SLC9B2: variants seen among roughly 807,000 people sequenced by gnomAD.
SLC9B2 encodes the protein solute carrier family 9 member B2.
SLC9B2 carries 39 observed loss-of-function variants against 52.2 expected under a neutral mutation model. The ratio of observed to expected loss-of-function variants is 0.75; its 90% confidence interval spans 0.58 to 0.98. SLC9B2 has a LOEUF of 0.98. SLC9B2 is among the 50% of genes least tolerant of loss of function. The pLI is 0.00. For synonymous variants in SLC9B2, 214 were observed against 227.0 expected (o/e 0.94, Z 0.51); for missense variants, 626 against 637.5 (o/e 0.98, Z 0.19).
intron 7 of SLC9B2, among the ~76,000 whole-genome samples, chr4:103,046,647 T>TCATATTTTGTGTGAAGTCTCCACA (rs1373523557): frequency 2.5e-5 from 3 of 117,656 alleles, no homozygotes; most frequent in African/African-American, 7.1e-5. Flanking sequence ...AAAAACCCAC[T>TCATATTTTGTGTGAAGTCTCCACA]CATATTTTGT....
downstream of SLC9B2, chr4:103,020,252 A>AG (rs1741689003): frequency 2.9e-6 from 1 of 349,064 alleles, no homozygotes; most frequent in Admixed American, 4.3e-5. Flanking sequence ...AACCTTTGTG[A>AG]GTTTTTTTTT....
chr4:103,069,043 T>C (rs755891291), intron 1 of SLC9B2, among the ~76,000 whole-genome samples: 8 of 152,222 alleles, frequency 5.3e-5, no homozygotes, highest in Non-Finnish European at 7.3e-5. Context: ...TTTTTTATTA[T>C]ACATAATTTG....
intron 9 of SLC9B2, among the ~76,000 whole-genome samples, chr4:103,034,944 G>C (rs1424569015): frequency 6.6e-6 from 1 of 152,048 alleles, no homozygotes; most frequent in East Asian, 1.9e-4. Flanking sequence ...AATGTCAAAT[G>C]AAACATAATT....
In SLC9B2 at chr4:103,068,588, C is replaced by T. The variant is rs148794476; in HGVS notation, c.-42-996G>A. ...ATAGGAGAAGCTGGTTCCTTGATGA[C>T]ATCTTCCAGTTGCTCCATCAGCCTT... On this transcript the variant is annotated intron_variant, in intron 1 of 11. Transcript: ENST00000394785. Among the ~76,000 whole-genome samples, 287 of 152,334 alleles carry T rather than the reference C, an allele frequency of 1.9e-3. 1 individual carries two copies. The highest frequency in any genetic ancestry group is 6.4e-3 in the African/African-American group (265 of 41,580).
At chr4:103,046,909 T>C in intron 7 of SLC9B2, 142 bp downstream of exon 7, 4 of 947,426 alleles carry the variant, frequency 4.2e-6, no homozygotes, top group Non-Finnish European at 6.2e-6. Flanking sequence ...TGGACCCTCC[T>C]TAGGTACAGA....
Position 103,026,523 on chromosome 4 carries a change from T to C in SLC9B2, c.1461A>G (p.Gly487=), listed in dbSNP as rs766864172. The change falls in exon 12 of 12, where the codon GGA becomes GGG. Residue 487 remains glycine, a synonymous_variant. Transcript: ENST00000394785. ...AAAATGCCACTGTCAACACATCCATTCCATAGTCTTCTAATTGTTTCTCTC... is the reference window on the plus strand; with the variant it reads ...AAAATGCCACTGTCAACACATCCATCCCATAGTCTTCTAATTGTTTCTCTC... The part of the protein sequence containing the change: ...SHGEKQLEDY[G]MDVLTVAFLS... 3 of 1,613,944 alleles carry C rather than the reference T, an allele frequency of 1.9e-6. No homozygotes were observed. The South Asian group carries it at 3.3e-5, about 18-fold the overall frequency.
At position 103,039,389 on chromosome 4, in the gene SLC9B2, G is replaced by A. The variant is rs145232042; in HGVS notation, c.1146+3907C>T. On this transcript the variant is annotated intron_variant, in intron 9 of 11. Transcript: ENST00000394785. The stretch of plus-strand genomic sequence containing the variant: ...TGGGAAGTTAGATAACTTGCACATG[G>A]TCAGACACACCTAGTAAAAGCTGTA... Among the ~76,000 whole-genome samples the A allele has an allele frequency of 1.3e-3, 195 of 152,270 alleles. No individual in the cohort carries two copies. The Middle Eastern group carries it at 0.017, about 13-fold the overall frequency.
chr4:103,031,685 T>A lies in SLC9B2; in HGVS notation c.1255+15A>T. 1 of 1,600,776 alleles carries A rather than the reference T, an allele frequency of 6.2e-7. No homozygotes were observed. The highest frequency in any genetic ancestry group is 8.5e-7 in the Non-Finnish European group (1 of 1,171,706). ...AAAAGTGAATTTTAACAAAAGCACA[T>A]TTTGAAATTCTTACCTACAGTTTCT... On this transcript the variant is annotated intron_variant, in intron 10 of 11. Transcript: ENST00000394785.
At chr4:103,069,147 GATA>G (rs1255235634) in intron 1 of SLC9B2, among the ~76,000 whole-genome samples, 1 of 152,072 alleles carries the variant, frequency 6.6e-6, no homozygotes, top group Admixed American at 6.6e-5. Context: ...AATTTAGACT[GATA>G]ATAAAAAAGT....
At chr4:103,065,482 A>G (rs1372439302) in intron 3 of SLC9B2, 3 of 152,188 alleles carry the variant, frequency 2.0e-5, no homozygotes, top group African/African-American at 7.2e-5. Flanking sequence ...TGCACATGGT[A>G]AATACATACA....
At chr4:103,037,244 T>TTGA (rs1743260611) in intron 9 of SLC9B2, among the ~76,000 whole-genome samples, 1 of 151,964 alleles carries the variant, frequency 6.6e-6, no homozygotes, top group Non-Finnish European at 1.5e-5. Flanking sequence ...TTTCAATGTT[T>TTGA]AATCTTCACA....
Position 103,041,301 on chromosome 4 carries a change from G to A in SLC9B2, c.1146+1995C>T, listed in dbSNP as rs557305097. Among the ~76,000 whole-genome samples the A allele has an allele frequency of 5.3e-5, 8 of 152,270 alleles. No homozygotes were observed. The South Asian group carries it at 1.7e-3, about 32-fold the overall frequency. On this transcript the variant is annotated intron_variant, in intron 9 of 11. Transcript: ENST00000394785. ...AGAGATTCACATAGCAGAGTTACTA[G>A]AGGTAAATATTTTTAAAAATGTTAA...
At chr4:103,052,882 G>A (rs1014141523) in intron 4 of SLC9B2, among the ~76,000 whole-genome samples, 6 of 151,970 alleles carry the variant, frequency 3.9e-5, no homozygotes, top group Admixed American at 2.0e-4. Flanking sequence ...TGAAATGAAC[G>A]TGACAGCAGC....
intron 10 of SLC9B2, among the ~76,000 whole-genome samples, chr4:103,029,670 G>C (rs527842466): frequency 6.6e-6 from 1 of 152,210 alleles, no homozygotes; most frequent in South Asian, 2.1e-4. Context: ...ATTGTGAGTA[G>C]TGCTGCTACA....
chr4:103,024,805 G>A lies in SLC9B2; in HGVS notation c.*1565C>T, dbSNP rs1163703070. On this transcript the variant is annotated 3_prime_UTR_variant, in exon 12 of 12. Transcript: ENST00000394785. ...ACAGAAGATGACCTAGAGTGAAGAG[G>A]AACTTATGAGTGATACACAAAAGCA... Among the ~76,000 whole-genome samples, 1 of 152,136 alleles carries A rather than the reference G, an allele frequency of 6.6e-6. No homozygotes were observed. Among genetic ancestry groups the A allele is most frequent in the Admixed American group, 6.5e-5 (1 of 15,280 alleles).
At chr4:103,075,224 A>G (rs1747010077) in intron 1 of SLC9B2, among the ~76,000 whole-genome samples, 1 of 152,078 alleles carries the variant, frequency 6.6e-6, no homozygotes, top group Admixed American at 6.5e-5. Flanking sequence ...ATCTTGGCTC[A>G]CTGCAACCTG....
At chr4:103,045,057 C>T in intron 7 of SLC9B2, 61 bp from the exon 8 acceptor site, 1 of 1,074,452 alleles carries the variant, frequency 9.3e-7, no homozygotes, top group East Asian at 2.4e-5. Flanking sequence ...GGTTTTATTC[C>T]ACAATCATCA....
At chr4:103,019,466 G>C (rs1353478783), downstream of SLC9B2, 2 of 490,412 alleles carry the variant, frequency 4.1e-6, no homozygotes, top group Non-Finnish European at 5.3e-6. Flanking sequence ...TCTGGGAGAA[G>C]AGCCCAAGAA....
intron 9 of SLC9B2, among the ~76,000 whole-genome samples, chr4:103,040,007 G>C (rs1382921564): frequency 6.6e-6 from 1 of 151,704 alleles, no homozygotes; most frequent in African/African-American, 2.4e-5. Context: ...TTTGACCTTC[G>C]CAATATACTT....
Sources: gnomAD v4.1 joint callset for allele counts (sites outside exome capture counted in the v4.1 genomes callset) on GRCh38, gnomAD v4.1.1 for gene constraint, MANE v1.5 for transcripts, NCBI Gene and HGNC (gene_info 2026-07-23, HGNC 2026-07-21) for gene names.